The following ADARB1 variants were observed in gnomAD, a reference collection of about 807,000 sequenced individuals.
The protein encoded by ADARB1 is adenosine deaminase RNA specific B1.
Under a neutral mutation model 52.4 loss-of-function variants are expected in ADARB1, and 10 were observed. That is an observed-to-expected ratio of 0.19 (90% CI 0.12 to 0.32). The LOEUF (loss-of-function observed/expected upper bound fraction) is 0.32, where lower values mean the gene tolerates loss of function less well. ADARB1 is among the 10% of genes least tolerant of loss of function. The probability of loss-of-function intolerance (pLI) is 1.00; values close to 1 mark genes in which losing one functional copy is unlikely to be tolerated. For synonymous variants in ADARB1, 349 were observed against 371.1 expected, an observed-to-expected ratio of 0.94 and a Z score of 0.68; for missense variants, 643 against 922.3, an observed-to-expected ratio of 0.70 and a Z score of 3.92.
chr21:45,222,973 T>C lies in ADARB1; in HGVS notation c.*776T>C. 1 of 985,252 alleles carries C rather than the reference T, an allele frequency of 1.0e-6. No individual in the cohort carries two copies. The highest frequency in any genetic ancestry group is 1.2e-6 in the Non-Finnish European group (1 of 829,714). 61.0% of individuals were successfully genotyped at this position (985,252 alleles called of 1,614,324 possible). The stretch of plus-strand genomic sequence containing the variant: ...AGGATCAGATCATGGAAAACTTTTC[T>C]CAGTTTACTTCTAAGTAATCACAGA... On this transcript the variant is annotated 3_prime_UTR_variant, in exon 11 of 11. Coordinates refer to ENST00000348831, the MANE Select transcript of ADARB1 (RefSeq NM_001112.4).
At chr21:45,127,629 G>A (rs954102284) in intron 1 of ADARB1, among the ~76,000 whole-genome samples, 6 of 152,130 alleles carry the variant, frequency 3.9e-5, no homozygotes, top group African/African-American at 1.2e-4. Context: ...TCTGCATAGC[G>A]AGAGTCGAGC....
intron 1 of ADARB1, among the ~76,000 whole-genome samples, chr21:45,107,206 GAGAA>G (rs2087298154): frequency 1.3e-5 from 2 of 152,288 alleles, no homozygotes; most frequent in South Asian, 4.1e-4. Flanking sequence ...ACAATAAGTT[GAGAA>G]AGACACAGAA....
rs2092715764 is a variant in ADARB1, at chr21:45,208,804, G to C, written c.1747+4068G>C. Among the ~76,000 whole-genome samples, 1 of 152,144 alleles carries C rather than the reference G, an allele frequency of 6.6e-6. No individual in the cohort carries two copies. Among genetic ancestry groups the C allele is most frequent in the Non-Finnish European group, 1.5e-5 (1 of 68,022 alleles). On this transcript the variant is annotated intron_variant, in intron 9 of 10. Coordinates refer to ENST00000348831, the MANE Select transcript of ADARB1 (RefSeq NM_001112.4). This position sits in a 1 kb window ranked among gnomAD's most constrained non-coding sequence, Gnocchi z 5.6. ...GTTGTGGGAAAGAGGTGTCAGTAAT[G>C]TGAGTTTCCTCCTTGCCCTGGTTTC... is the stretch of plus-strand genomic sequence containing the variant.
At chr21:45,135,516 C>T (rs2089309412) in intron 2 of ADARB1, among the ~76,000 whole-genome samples, 1 of 152,244 alleles carries the variant, frequency 6.6e-6, no homozygotes, top group Non-Finnish European at 1.5e-5. Context: ...CTGTGTGCTG[C>T]CTGCCTGTCA....
chr21:45,097,343 T>C (rs1233300571), intron 1 of ADARB1, among the ~76,000 whole-genome samples: 3 of 152,110 alleles, frequency 2.0e-5, no homozygotes, highest in Admixed American at 1.3e-4. Context: ...ACTGGATTGG[T>C]GCTCACTCCC....
chr21:45,221,076 A>G lies in ADARB1; in HGVS notation c.1926+62A>G. The G allele has an allele frequency of 6.6e-7, 1 of 1,511,840 alleles. No homozygotes were observed. Among genetic ancestry groups the G allele is most frequent in the Non-Finnish European group, 8.9e-7 (1 of 1,121,798 alleles). The allele number at this position is 1,511,840 out of a possible 1,614,324, so 93.7% of individuals were successfully genotyped here. On this transcript the variant is annotated intron_variant, in intron 10 of 10. Coordinates refer to ENST00000348831, the MANE Select transcript of ADARB1 (RefSeq NM_001112.4). The surrounding 1 kb of genome is among the most constrained non-coding windows in gnomAD (Gnocchi z 4.9). ...CCTCCCCAATAGCTTGTCTGTCCTCACACCTACTGTTCCTTAAGTTGTTTC... is the reference window on the plus strand; with the variant it reads ...CCTCCCCAATAGCTTGTCTGTCCTCGCACCTACTGTTCCTTAAGTTGTTTC...
At position 45,089,993 on chromosome 21, in the gene ADARB1, G is replaced by A. The variant is rs12482296; in HGVS notation, c.-220+15200G>A. 3.1e-3 allele frequency among the ~76,000 whole-genome samples: 478 copies of A among 152,316 alleles called. 4 individuals are homozygous for A. The highest frequency in any genetic ancestry group is 0.014 in the Middle Eastern group (4 of 294). On this transcript the variant is annotated intron_variant, in intron 1 of 10. Transcript: ENST00000348831. ...AGTGATGGCTAGCAGGCTGCATCTC[G>A]TTGTTGTCTTTGACGTGAATGCTTC...
intron 2 of ADARB1, among the ~76,000 whole-genome samples, chr21:45,139,954 T>C (rs908886761): frequency 6.9e-6 from 1 of 143,932 alleles, no homozygotes; most frequent in African/African-American, 2.6e-5. Flanking sequence ...TTTTTTTTTT[T>C]TTTTTTGACA....
At chr21:45,111,938 G>A (rs980656616) in intron 1 of ADARB1, among the ~76,000 whole-genome samples, 3 of 152,238 alleles carry the variant, frequency 2.0e-5, no homozygotes, top group African/African-American at 7.2e-5. Flanking sequence ...CATGGTGCCT[G>A]GTTGGGCACT....
At position 45,226,162 on chromosome 21, in the gene ADARB1, G is replaced by A. The variant is rs775616761; in HGVS notation, c.*3965G>A. ...TTTCTTGTTTACTGTTTGAAGGGAC[G>A]AGTACCAAGCCACAAGAACACTTCT... On this transcript the variant is annotated 3_prime_UTR_variant, in exon 11 of 11. Transcript: ENST00000348831. The A allele has an allele frequency of 6.6e-6, 1 of 152,338 alleles. No homozygotes were observed. Among genetic ancestry groups the A allele is most frequent in the Non-Finnish European group, 1.5e-5 (1 of 68,052 alleles). 9.4% of individuals were successfully genotyped at this position (152,338 alleles called of 1,614,324 possible).
intron 8 of ADARB1, among the ~76,000 whole-genome samples, chr21:45,187,882 G>A (rs187136859): frequency 1.1e-4 from 17 of 152,136 alleles, no homozygotes; most frequent in Admixed American, 9.2e-4. Context: ...CTTTTAATAT[G>A]CTATTGAATT....
chr21:45,086,595 C>T (rs893860844), intron 1 of ADARB1, among the ~76,000 whole-genome samples: 7 of 152,214 alleles, frequency 4.6e-5, no homozygotes, highest in African/African-American at 1.4e-4. Flanking sequence ...CCTGTGTCAT[C>T]GTTTGCATCA....
chr21:45,089,162 C>T (rs551000947), intron 1 of ADARB1, among the ~76,000 whole-genome samples: 1 of 152,288 alleles, frequency 6.6e-6, no homozygotes, highest in South Asian at 2.1e-4. Context: ...TTCGATATAT[C>T]CTTCTCCCAG....
chr21:45,136,211 T>G (rs1234342648), intron 2 of ADARB1, among the ~76,000 whole-genome samples: 1 of 152,158 alleles, frequency 6.6e-6, no homozygotes, highest in Non-Finnish European at 1.5e-5. Context: ...GAGCTCTGGT[T>G]CTGGCCTCCT....
At chr21:45,140,572 C>T (rs1418386012) in intron 2 of ADARB1, among the ~76,000 whole-genome samples, 1 of 152,100 alleles carries the variant, frequency 6.6e-6, no homozygotes, top group African/African-American at 2.4e-5. Context: ...GGCTCAGTGG[C>T]GTTCTGAGCG....
chr21:45,140,498 G>A (rs988745010), intron 2 of ADARB1, among the ~76,000 whole-genome samples: 6 of 152,286 alleles, frequency 3.9e-5, no homozygotes, highest in South Asian at 2.1e-4. Context: ...GGTGTGGAGC[G>A]TTGAGTGACC....
chr21:45,197,355 C>A (rs2092447772), intron 8 of ADARB1, among the ~76,000 whole-genome samples: 1 of 151,914 alleles, frequency 6.6e-6, no homozygotes, highest in Non-Finnish European at 1.5e-5. Context: ...CAAAAATTAG[C>A]CGGGCATGGT....
chr21:45,223,417 C>T lies in ADARB1; in HGVS notation c.*1220C>T. On this transcript the variant is annotated 3_prime_UTR_variant, in exon 11 of 11. Transcript: ENST00000348831. ...GACAGAGGGAGTCAGCCCGGGAGGT[C>T]AGGAGCGCGGCGGGCGAGGGCCCTG... The T allele has an allele frequency of 2.0e-6, 2 of 985,846 alleles. No homozygotes were observed. Among genetic ancestry groups the T allele is most frequent in the South Asian group, 4.7e-5 (1 of 21,296 alleles). The allele number at this position is 985,846 out of a possible 1,614,324, so 61.1% of individuals were successfully genotyped here.
intron 1 of ADARB1, among the ~76,000 whole-genome samples, chr21:45,084,199 A>G (rs2086253894): frequency 6.6e-6 from 1 of 152,236 alleles, no homozygotes; most frequent in Non-Finnish European, 1.5e-5. Flanking sequence ...CATTTCTGGA[A>G]GACTATTGTA....
Sources: allele counts gnomAD v4.1 joint callset (sites outside exome capture counted in the v4.1 genomes callset), GRCh38; gene constraint gnomAD v4.1.1; non-coding constraint Gnocchi (gnomAD v3.1); transcripts MANE v1.5; gene names NCBI Gene and HGNC (gene_info 2026-07-23, HGNC 2026-07-21).